CSMD3: variants seen among roughly 807,000 people sequenced by gnomAD.
CSMD3 encodes CUB and sushi domain-containing protein 3.
A neutral mutation model predicts 435.2 loss-of-function variants in CSMD3; 177 were observed. The ratio of observed to expected loss-of-function variants is 0.41; its 90% CI spans 0.36 to 0.46. The LOEUF is 0.46. Ranked by LOEUF, CSMD3 falls within the 20% of genes least tolerant of loss-of-function variation. CSMD3 has a pLI of 0.34. For missense variants in CSMD3, 4,265 were observed against 4,504.6 expected, an observed-to-expected ratio of 0.95 and a Z score of 1.52; for synonymous variants, 1,656 against 1,520.5, an observed-to-expected ratio of 1.09 and a Z score of -2.07.
intron 13 of CSMD3, among the ~76,000 whole-genome samples, chr8:112,729,212 T>G (rs1247215593): frequency 2.2e-4 from 34 of 151,844 alleles, no homozygotes; most frequent in Admixed American, 2.2e-3. Flanking sequence ...TGAAAAGGCA[T>G]GAGATCCAGA....
At chr8:112,431,317 T>A (rs1813680278) in intron 32 of CSMD3, among the ~76,000 whole-genome samples, 1 of 152,116 alleles carries the variant, frequency 6.6e-6, no homozygotes, top group Admixed American at 6.6e-5. Flanking sequence ...TTAAGCTGAC[T>A]GGCAATATAA....
chr8:112,569,162 C>T lies in CSMD3; in HGVS notation c.4042+4339G>A, dbSNP rs143803696. 3.5e-3 allele frequency among the ~76,000 whole-genome samples: 537 copies of T among 152,204 alleles called. 2 individuals carry two copies. The highest frequency in any genetic ancestry group is 0.012 in the African/African-American group (516 of 41,540). On this transcript the variant is annotated intron_variant, in intron 24 of 70. Coordinates refer to ENST00000297405, the MANE Select transcript of CSMD3 (RefSeq NM_198123.2). The stretch of plus-strand genomic sequence containing the variant: ...AAGGAGTATATGCGGTTGGCACTGC[C>T]CATTTTTTCCTTTCTTCATGCCTTA...
intron 5 of CSMD3, among the ~76,000 whole-genome samples, chr8:113,075,853 A>G (rs2089313728): frequency 6.6e-6 from 1 of 151,888 alleles, no homozygotes; most frequent in African/African-American, 2.4e-5. Context: ...TAAAGAATGC[A>G]CCAGTGATAT....
chr8:113,170,104 G>A (rs1465568534), intron 4 of CSMD3, among the ~76,000 whole-genome samples: 1 of 152,104 alleles, frequency 6.6e-6, no homozygotes, highest in African/African-American at 2.4e-5. Flanking sequence ...GAGACTCTAC[G>A]TAAACTCCAG....
chr8:113,034,969 G>A (rs1365965264), intron 5 of CSMD3, among the ~76,000 whole-genome samples: 1 of 151,964 alleles, frequency 6.6e-6, no homozygotes, highest in Non-Finnish European at 1.5e-5. Context: ...TACAGTTAGA[G>A]ATTTTAACAA....
In CSMD3 at chr8:113,225,963, G is replaced by T. The variant is rs192034233; in HGVS notation, c.515-52047C>A. Among the ~76,000 whole-genome samples the T allele has an allele frequency of 2.0e-5, 3 of 151,488 alleles. No individual in the cohort carries two copies. The East Asian group carries it at 5.9e-4, about 30-fold the overall frequency. On this transcript the variant is annotated intron_variant, in intron 3 of 70. Coordinates refer to ENST00000297405, the MANE Select transcript of CSMD3 (RefSeq NM_198123.2). ...CTCATGATAGTGAGTGACTTCTCACGAGATCTGATGGTTTTATAAAGGGCT... is the reference window on the plus strand; with the variant it reads ...CTCATGATAGTGAGTGACTTCTCACTAGATCTGATGGTTTTATAAAGGGCT...
At chr8:112,906,475 C>A (rs1276384803) in intron 10 of CSMD3, among the ~76,000 whole-genome samples, 9 of 151,002 alleles carry the variant, frequency 6.0e-5, no homozygotes, top group African/African-American at 1.2e-4. Flanking sequence ...ACCAAAAAAA[C>A]GTCTCTAATA....
Position 113,019,051 on chromosome 8 carries a change from T to C in CSMD3, c.1030+16A>G, listed in dbSNP as rs2086583055. On this transcript the variant is annotated intron_variant, in intron 6 of 70. Transcript: ENST00000297405. Reference sequence around the variant, plus strand: ...TTTTACATATCAAAAGAGGCAAAGGTATTCCATAAGTATACCTTGATAGGG... The same window carrying C: ...TTTTACATATCAAAAGAGGCAAAGGCATTCCATAAGTATACCTTGATAGGG... The C allele has an allele frequency of 6.9e-7, 1 of 1,449,456 alleles. No individual in the cohort carries two copies. The highest frequency in any genetic ancestry group is 9.7e-7 in the Non-Finnish European group (1 of 1,029,858). The allele number at this position is 1,449,456 out of a possible 1,614,324, so 89.8% of individuals were successfully genotyped here.
intron 57 of CSMD3, among the ~76,000 whole-genome samples, chr8:112,288,647 T>G (rs1819459029): frequency 6.6e-6 from 1 of 151,672 alleles, no homozygotes. Flanking sequence ...GGTTGATGGG[T>G]AAAAATAAAT....
At chr8:112,389,317 G>T (rs572296033) in intron 36 of CSMD3, among the ~76,000 whole-genome samples, 56 of 152,260 alleles carry the variant, frequency 3.7e-4, no homozygotes, top group African/African-American at 1.3e-3. Context: ...TGTGGTAAAA[G>T]TTCTATGAAG....
intron 12 of CSMD3, among the ~76,000 whole-genome samples, chr8:112,810,766 T>A (rs1214521348): frequency 1.3e-5 from 2 of 152,102 alleles, no homozygotes; most frequent in Non-Finnish European, 2.9e-5. Flanking sequence ...ACGTGATTGA[T>A]GAAAACTCTG....
chr8:112,552,455 G>C (rs939152919), intron 26 of CSMD3, 139 bp downstream of exon 26: 1 of 788,646 alleles, frequency 1.3e-6, no homozygotes, highest in Non-Finnish European at 2.0e-6. Context: ...CCTGCCTTCC[G>C]GTCTGGATGT....
chr8:112,328,983 A>G (rs1411727709), intron 45 of CSMD3, among the ~76,000 whole-genome samples: 6 of 152,174 alleles, frequency 3.9e-5, no homozygotes, highest in African/African-American at 1.2e-4. Context: ...CTTACTATTT[A>G]CCTAGAAAAG....
chr8:112,738,344 T>G (rs1224023705), intron 13 of CSMD3, among the ~76,000 whole-genome samples: 1 of 151,774 alleles, frequency 6.6e-6, no homozygotes, highest in African/African-American at 2.4e-5. Context: ...GTCCTTGGTA[T>G]GTAAGTGTTC....
chr8:112,469,533 A>G lies in CSMD3; in HGVS notation c.5395+3058T>C, dbSNP rs752283716. On this transcript the variant is annotated intron_variant, in intron 32 of 70. Transcript: ENST00000297405. ...AGGTTTTGTGAAAGACAATCTTCCC[A>G]TGGGATGGTTTCAGGATGATCCACT... is the stretch of plus-strand genomic sequence containing the variant. Among the ~76,000 whole-genome samples, 14 of 152,158 alleles carry G rather than the reference A, an allele frequency of 9.2e-5. 1 individual carries two copies. Among genetic ancestry groups the G allele is most frequent in the Non-Finnish European group, 5.9e-5 (4 of 68,028 alleles).
At chr8:113,025,619 G>C (rs1194456576) in intron 5 of CSMD3, among the ~76,000 whole-genome samples, 1 of 152,144 alleles carries the variant, frequency 6.6e-6, no homozygotes, top group East Asian at 1.9e-4. Flanking sequence ...CTAACTGGTG[G>C]TTCGGGCAAA....
Position 112,597,330 on chromosome 8 carries a change from C to A in CSMD3, c.3716-10095G>T, listed in dbSNP as rs1283728740. 2.0e-5 allele frequency among the ~76,000 whole-genome samples: 3 copies of A among 151,842 alleles called. No homozygotes were observed. In the East Asian group the frequency reaches 5.8e-4, roughly 29 times the overall value. Reference sequence around the variant, plus strand: ...AGACTAAACCAGGAAGAAGTTGAATCTCTGAATAGACCAATAACAGGAGCT... The same window carrying A: ...AGACTAAACCAGGAAGAAGTTGAATATCTGAATAGACCAATAACAGGAGCT... On this transcript the variant is annotated intron_variant, in intron 22 of 70. Coordinates refer to ENST00000297405, the MANE Select transcript of CSMD3 (RefSeq NM_198123.2).
intron 5 of CSMD3, among the ~76,000 whole-genome samples, chr8:113,054,025 T>A (rs746267607): frequency 1.4e-4 from 21 of 152,182 alleles, no homozygotes; most frequent in Non-Finnish European, 2.6e-4. Flanking sequence ...CTGGCCTAGT[T>A]CTTCAAATTG....
chr8:113,047,674 A>G (rs2131312632), intron 5 of CSMD3, among the ~76,000 whole-genome samples: 1 of 152,330 alleles, frequency 6.6e-6, no homozygotes, highest in East Asian at 1.9e-4. Context: ...GAATTTTTAA[A>G]TTATTTGTAG....
Sources: gnomAD v4.1 joint callset for allele counts (sites outside exome capture counted in the v4.1 genomes callset) on GRCh38, gnomAD v4.1.1 for gene constraint, MANE v1.5 for transcripts, NCBI Gene and HGNC (gene_info 2026-07-23, HGNC 2026-07-21) for gene names.